Variants in GRM1 observed in about 807,000 individuals in gnomAD.
The protein encoded by GRM1 is glutamate metabotropic receptor 1.
A neutral mutation model predicts 90.9 loss-of-function variants in GRM1; 33 were observed. That is an observed-to-expected ratio of 0.36 (90% CI 0.28 to 0.49). The LOEUF is 0.49. GRM1 is among the 20% of genes least tolerant of loss of function. The pLI is 0.99. For missense variants in GRM1, 1,190 were observed against 1,534.3 expected, an observed-to-expected ratio of 0.78 and a Z score of 3.75; for synonymous variants, 700 against 613.2, an observed-to-expected ratio of 1.14 and a Z score of -2.09.
At chr6:146,426,604 A>G (rs1468269369) in intron 7 of GRM1, 2 of 1,607,348 alleles carry the variant, frequency 1.2e-6, no homozygotes, top group South Asian at 1.1e-5. Flanking sequence ...GTCCGTCGGC[A>G]CATGTGCAGC....
At position 146,159,332 on chromosome 6, in the gene GRM1, G is replaced by A. The variant is rs769413574; in HGVS notation, c.701-16G>A. ...GCCACAGTTGTCTTGAACATCTGCTGATTGTTTCTGGACAGGGAATTATGG... is the reference window on the plus strand; with the variant it reads ...GCCACAGTTGTCTTGAACATCTGCTAATTGTTTCTGGACAGGGAATTATGG... On this transcript the variant is annotated splice_polypyrimidine_tract_variant and intron_variant, in intron 1 of 7. Transcript: ENST00000282753. 4 of 1,613,896 alleles carry A rather than the reference G, an allele frequency of 2.5e-6. No individual in the cohort carries two copies. Among genetic ancestry groups the A allele is most frequent in the East Asian group, 2.2e-5 (1 of 44,890 alleles).
At chr6:146,311,905 A>C (rs1783786744) in intron 3 of GRM1, among the ~76,000 whole-genome samples, 1 of 152,202 alleles carries the variant, frequency 6.6e-6, no homozygotes, top group South Asian at 2.1e-4. Flanking sequence ...GGTGATTGAA[A>C]TTTATACTTT....
chr6:146,179,818 A>G (rs1187231505), intron 2 of GRM1, among the ~76,000 whole-genome samples: 1 of 151,998 alleles, frequency 6.6e-6, no homozygotes, highest in East Asian at 1.9e-4. Context: ...CCCAGCCCAG[A>G]ACTCAGAACC....
chr6:146,130,285 G>T lies in GRM1; in HGVS notation c.701-29063G>T, dbSNP rs1276006305. ...CCTTCCTTCTTTCTTTCTTTCGTAA[G>T]AAAAAGACAAATAATTTTGTGAAGA... On this transcript the variant is annotated intron_variant, in intron 1 of 7. Transcript: ENST00000282753. 6.5e-5 allele frequency among the ~76,000 whole-genome samples: 7 copies of T among 107,898 alleles called. No homozygotes were observed. In the South Asian group the frequency reaches 1.3e-3, roughly 20 times the overall value. 70.8% of individuals were successfully genotyped at this position (107,898 alleles called of 152,430 possible).
chr6:146,406,761 G>A (rs1431693136), intron 7 of GRM1, among the ~76,000 whole-genome samples: 1 of 152,108 alleles, frequency 6.6e-6, no homozygotes, highest in Non-Finnish European at 1.5e-5. Flanking sequence ...TTGAACCTAG[G>A]AGGCGAAGGT....
rs571931965 is a variant in GRM1, at chr6:146,421,277, A to C, written c.2661-12595A>C. Among the ~76,000 whole-genome samples the C allele has an allele frequency of 1.1e-4, 17 of 152,310 alleles. No individual in the cohort carries two copies. In the South Asian group the frequency reaches 3.1e-3, roughly 28 times the overall value. On this transcript the variant is annotated intron_variant, in intron 7 of 7. Transcript: ENST00000282753. Reference sequence around the variant, plus strand: ...AAACTAAATGGTCATCAGTAGAAGAATGGATTATTTTTTAAAGTGTGGTAT... The same window carrying C: ...AAACTAAATGGTCATCAGTAGAAGACTGGATTATTTTTTAAAGTGTGGTAT...
intron 3 of GRM1, among the ~76,000 whole-genome samples, chr6:146,327,492 A>G (rs945452519): frequency 1.3e-5 from 2 of 152,198 alleles, no homozygotes; most frequent in African/African-American, 4.8e-5. Context: ...GCCTTCAATA[A>G]GAGACCACTT....
intron 2 of GRM1, among the ~76,000 whole-genome samples, chr6:146,201,093 T>C (rs1004039118): frequency 5.3e-5 from 8 of 152,202 alleles, no homozygotes; most frequent in Non-Finnish European, 8.8e-5. Flanking sequence ...TCTTTGATCA[T>C]GGACTTTACC....
chr6:146,255,379 T>C (rs1781442311), intron 2 of GRM1, among the ~76,000 whole-genome samples: 1 of 152,192 alleles, frequency 6.6e-6, no homozygotes, highest in Admixed American at 6.5e-5. Flanking sequence ...TCTAATATAA[T>C]TGGATAATTT....
intron 1 of GRM1, among the ~76,000 whole-genome samples, chr6:146,110,355 G>A (rs1187855957): frequency 6.6e-6 from 1 of 152,082 alleles, no homozygotes; most frequent in Non-Finnish European, 1.5e-5. Context: ...TTAAAAATGG[G>A]AGTCTCCCTG....
At chr6:146,377,841 C>G (rs1462184582) in intron 5 of GRM1, among the ~76,000 whole-genome samples, 1 of 152,170 alleles carries the variant, frequency 6.6e-6, no homozygotes, top group Non-Finnish European at 1.5e-5. Context: ...AGGTAGAGCT[C>G]AAGCCATTGC....
intron 1 of GRM1, among the ~76,000 whole-genome samples, chr6:146,053,789 A>G (rs1189347748): frequency 1.3e-5 from 2 of 152,036 alleles, no homozygotes; most frequent in Non-Finnish European, 2.9e-5. Context: ...CTCCTTAGGT[A>G]ATTCTGCTGC....
chr6:146,216,341 T>A (rs1175957296), intron 2 of GRM1, among the ~76,000 whole-genome samples: 4 of 152,228 alleles, frequency 2.6e-5, no homozygotes, highest in African/African-American at 9.6e-5. Flanking sequence ...CAATATAGTT[T>A]AAATAAGCTT....
intron 1 of GRM1, among the ~76,000 whole-genome samples, chr6:146,131,609 C>G (rs369848387): frequency 6.6e-6 from 1 of 152,062 alleles, no homozygotes; most frequent in African/African-American, 2.4e-5. Context: ...AAGAGTTTGT[C>G]CAGCAGACTA....
At chr6:146,039,005 C>T (rs937528446) in intron 1 of GRM1, among the ~76,000 whole-genome samples, 12 of 151,926 alleles carry the variant, frequency 7.9e-5, no homozygotes, top group African/African-American at 2.9e-4. Context: ...TACTACTCTA[C>T]TGGCAGAGAA....
intron 2 of GRM1, among the ~76,000 whole-genome samples, chr6:146,270,180 AAG>A (rs1011811510): frequency 2.6e-5 from 4 of 152,170 alleles, no homozygotes; most frequent in African/African-American, 4.8e-5. Context: ...CCAAAGAGAA[AAG>A]AGAGAGAGTG....
rs1350362270 is a variant in GRM1, at chr6:146,436,216, T to A, written c.*1420T>A. ...AGAAGCTCTTTGACGGTTTGAATACTATGGCTCAAGGTTTTCATATGCAGC... is the reference window on the plus strand; with the variant it reads ...AGAAGCTCTTTGACGGTTTGAATACAATGGCTCAAGGTTTTCATATGCAGC... On this transcript the variant is annotated 3_prime_UTR_variant, in exon 8 of 8. Coordinates refer to ENST00000282753, the MANE Select transcript of GRM1 (RefSeq NM_001278064.2). 2.6e-5 allele frequency: 4 copies of A among 152,480 alleles called. No homozygotes were observed. Among genetic ancestry groups the A allele is most frequent in the African/African-American group, 4.8e-5 (2 of 41,470 alleles). The allele number at this position is 152,480 out of a possible 1,614,324, so 9.4% of individuals were successfully genotyped here.
At chr6:146,283,199 C>A (rs2114860595) in intron 2 of GRM1, among the ~76,000 whole-genome samples, 1 of 152,268 alleles carries the variant, frequency 6.6e-6, no homozygotes, top group Middle Eastern at 3.4e-3. Flanking sequence ...ATCAGCCGAA[C>A]CCCTGCCATC....
chr6:146,052,217 T>G (rs1218866293), intron 1 of GRM1, among the ~76,000 whole-genome samples: 1 of 152,008 alleles, frequency 6.6e-6, no homozygotes, highest in Non-Finnish European at 1.5e-5. Flanking sequence ...AACCAAACTT[T>G]CCTCAATATT....
Sources: gnomAD v4.1 joint callset for allele counts (sites outside exome capture counted in the v4.1 genomes callset) on GRCh38, gnomAD v4.1.1 for gene constraint, MANE v1.5 for transcripts, NCBI Gene and HGNC (gene_info 2026-07-23, HGNC 2026-07-21) for gene names.